PDE4D: variants seen among roughly 807,000 people sequenced by gnomAD.
PDE4D encodes the protein phosphodiesterase 4D.
A neutral mutation model predicts 87.4 loss-of-function variants in PDE4D; 24 were observed. The ratio of observed to expected loss-of-function variants is 0.27; its 90% confidence interval spans 0.20 to 0.39. PDE4D has a LOEUF of 0.39. PDE4D is among the 10% of genes least tolerant of loss of function. The pLI, the probability that PDE4D is intolerant of heterozygous loss-of-function variation, is 1.00. For synonymous variants in PDE4D, 384 were observed against 383.2 expected (o/e 1.00, Z -0.02); for missense variants, 714 against 1,041.0 (o/e 0.69, Z 4.32).
At chr5:59,098,080 G>A (rs1339322294) in intron 5 of PDE4D, among the ~76,000 whole-genome samples, 1 of 152,072 alleles carries the variant, frequency 6.6e-6, no homozygotes, top group Non-Finnish European at 1.5e-5. Context: ...GTGGTTTTCT[G>A]GATTAATAAA....
rs1757797010 is a variant in PDE4D at position 59,032,741 on chromosome 5, C to A, written c.921+6118G>T. On this transcript the variant is annotated intron_variant, in intron 6 of 14. Transcript: ENST00000340635. ...TTTTAGTATATTCTAGACAGGCAAG[C>A]ACATGCAATTTATTGAGCACCCAGT... Among the ~76,000 whole-genome samples, 4 of 152,270 alleles carry A rather than the reference C, an allele frequency of 2.6e-5. No homozygotes were observed. In the South Asian group the frequency reaches 8.3e-4, roughly 32 times the overall value.
chr5:59,970,935 T>C (rs1189559113), intron 3 of PDE4D, among the ~76,000 whole-genome samples: 4 of 149,828 alleles, frequency 2.7e-5, no homozygotes, highest in Non-Finnish European at 4.5e-5. Context: ...CTATTCACAA[T>C]AGCAAAGACT....
intron 1 of PDE4D, among the ~76,000 whole-genome samples, chr5:59,875,496 A>T (rs1184284604): frequency 2.1e-5 from 3 of 144,754 alleles, no homozygotes; most frequent in African/African-American, 7.5e-5. Flanking sequence ...AAAAAGAAGG[A>T]ATCTGTATCC....
chr5:59,983,085 C>G (rs1441503560), intron 3 of PDE4D, among the ~76,000 whole-genome samples: 1 of 152,036 alleles, frequency 6.6e-6, no homozygotes, highest in African/African-American at 2.4e-5. Flanking sequence ...AGGTGGGAGA[C>G]AGGACTCAAA....
chr5:59,451,566 A>G (rs933437247), intron 1 of PDE4D, among the ~76,000 whole-genome samples: 2 of 152,126 alleles, frequency 1.3e-5, no homozygotes, highest in African/African-American at 2.4e-5. Context: ...TCAGCTACCC[A>G]GTTGCTCTGT....
At chr5:59,501,067 T>A (rs574558849) in intron 1 of PDE4D, among the ~76,000 whole-genome samples, 1 of 152,196 alleles carries the variant, frequency 6.6e-6, no homozygotes, top group Non-Finnish European at 1.5e-5. Flanking sequence ...AAGTCCTGAA[T>A]GTGAAATCCA....
rs4699956 is a variant in PDE4D, at chr5:60,460,204, A to T, written c.-90+27738T>A. ...CAAATCCTTTCCAGATGAACATTTC[A>T]TCAAATCCTTTCCAGATTTCCATTT... On this transcript the variant is annotated intron_variant, in intron 1 of 16. Transcript: ENST00000502484. 9.3e-6 allele frequency: 14 copies of T among 1,501,264 alleles called. No individual in the cohort carries two copies. In the East Asian group the frequency reaches 1.8e-4, roughly 20 times the overall value. 93.0% of individuals were successfully genotyped at this position (1,501,264 alleles called of 1,614,324 possible).
intron 1 of PDE4D, among the ~76,000 whole-genome samples, chr5:60,513,192 CTA>C (rs1750650700): frequency 6.6e-6 from 1 of 151,990 alleles, no homozygotes; most frequent in African/African-American, 2.4e-5. Flanking sequence ...TTAAACAAAG[CTA>C]TATGTTTCTT....
chr5:59,602,641 C>A (rs1338226840), intron 1 of PDE4D, among the ~76,000 whole-genome samples: 1 of 151,946 alleles, frequency 6.6e-6, no homozygotes, highest in African/African-American at 2.4e-5. Flanking sequence ...ATTATAAGCC[C>A]TATCAAAATT....
chr5:60,060,637 G>A (rs1582442638), intron 2 of PDE4D, among the ~76,000 whole-genome samples: 1 of 152,026 alleles, frequency 6.6e-6, no homozygotes, highest in Non-Finnish European at 1.5e-5. Flanking sequence ...TCCTAGGTCT[G>A]GGGCTAACAC....
At chr5:59,799,788 C>T (rs992403786) in intron 1 of PDE4D, among the ~76,000 whole-genome samples, 7 of 152,204 alleles carry the variant, frequency 4.6e-5, no homozygotes, top group Admixed American at 1.3e-4. Flanking sequence ...GCAACTACAA[C>T]TTCTGTCTTA....
At chr5:59,672,092 C>T (rs557447869) in intron 1 of PDE4D, among the ~76,000 whole-genome samples, 6 of 152,232 alleles carry the variant, frequency 3.9e-5, no homozygotes, top group African/African-American at 7.2e-5. Context: ...TTCAGGCTAA[C>T]GGCAGGGCTG....
At chr5:59,882,133 A>T (rs78257643) in intron 1 of PDE4D, among the ~76,000 whole-genome samples, 10,776 of 152,298 alleles carry the variant, frequency 0.071, 450 homozygotes, top group Middle Eastern at 0.18. Context: ...TTAGAACCAT[A>T]TTCTACATGA....
chr5:60,195,717 C>T (rs192449519), intron 1 of PDE4D, among the ~76,000 whole-genome samples: 21 of 151,754 alleles, frequency 1.4e-4, no homozygotes, highest in Non-Finnish European at 2.4e-4. Context: ...TAACACAATA[C>T]ACTAAGTGCT....
intron 1 of PDE4D, among the ~76,000 whole-genome samples, chr5:59,326,685 A>G (rs536301471): frequency 1.2e-4 from 18 of 152,294 alleles, no homozygotes; most frequent in South Asian, 4.1e-4. Context: ...TATGCCCTGC[A>G]CTACAGACAT....
intron 5 of PDE4D, among the ~76,000 whole-genome samples, chr5:59,128,924 G>T (rs1308327126): frequency 6.6e-6 from 1 of 152,128 alleles, no homozygotes; most frequent in Non-Finnish European, 1.5e-5. Flanking sequence ...CAAAGGCTGC[G>T]TCATGCTTTA....
intron 3 of PDE4D, among the ~76,000 whole-genome samples, chr5:59,185,698 T>C (rs1472473623): frequency 6.6e-6 from 1 of 152,200 alleles, no homozygotes; most frequent in Admixed American, 6.5e-5. Flanking sequence ...AGTTGGCAAG[T>C]GAAGTGAATT....
intron 1 of PDE4D, among the ~76,000 whole-genome samples, chr5:59,637,274 G>A (rs1044247950): frequency 5.3e-5 from 8 of 152,186 alleles, no homozygotes; most frequent in Non-Finnish European, 1.2e-4. Flanking sequence ...TGGAGAAATA[G>A]GAATGCTTTT....
chr5:59,924,749 G>C (rs1304106815), intron 3 of PDE4D, among the ~76,000 whole-genome samples: 1 of 152,028 alleles, frequency 6.6e-6, no homozygotes, highest in Non-Finnish European at 1.5e-5. Flanking sequence ...TGAGCAATAA[G>C]AATCAATTAA....
Sources: gnomAD v4.1 joint callset for allele counts (sites outside exome capture counted in the v4.1 genomes callset) on GRCh38, gnomAD v4.1.1 for gene constraint, MANE v1.5 for transcripts, NCBI Gene and HGNC (gene_info 2026-07-23, HGNC 2026-07-21) for gene names.